PDE1C: variants seen among roughly 807,000 people sequenced by gnomAD.
PDE1C encodes phosphodiesterase 1C, also known as dual specificity calcium/calmodulin-dependent 3',5'-cyclic nucleotide phosphodiesterase 1C.
Under a neutral mutation model 93.1 loss-of-function variants are expected in PDE1C, and 62 were observed. That is an observed-to-expected ratio of 0.67 (90% CI 0.54 to 0.82). PDE1C has a LOEUF of 0.82. PDE1C is among the 40% of genes least tolerant of loss of function. PDE1C has a pLI of 0.00. For synonymous variants in PDE1C, 325 were observed against 310.1 expected, an observed-to-expected ratio of 1.05 and a Z score of -0.50; for missense variants, 742 against 884.6, an observed-to-expected ratio of 0.84 and a Z score of 2.04.
rs7779126 is a variant in PDE1C, at chr7:32,314,758, C to A, written c.311-105219G>T. 4.5e-3 allele frequency among the ~76,000 whole-genome samples: 683 copies of A among 152,040 alleles called. 2 individuals carry two copies. Among genetic ancestry groups the A allele is most frequent in the Non-Finnish European group, 6.6e-3 (446 of 67,988 alleles). ...CCGAGAGCACCAAGAACGCTGAAAC[C>A]AGAAAGAATAGACAGGCAGCCCAAA... On this transcript the variant is annotated intron_variant, in intron 1 of 1. Coordinates refer to the PDE1C transcript ENST00000672256.
At chr7:31,710,151 GA>G in the PDE1C span, among the ~76,000 whole-genome samples, 2 of 151,840 alleles carry the variant, frequency 1.3e-5, no homozygotes, top group Non-Finnish European at 2.9e-5. Context: ...TCTATCTCAG[GA>G]AAAAAAGAAA....
chr7:31,624,232 A>C, the PDE1C span, among the ~76,000 whole-genome samples: 315 of 146,496 alleles, frequency 2.2e-3, no homozygotes, highest in Non-Finnish European at 3.9e-3. Context: ...ATCCCCATCA[A>C]GCTACCAATG....
chr7:31,961,891 T>C (rs930786085), intron 2 of PDE1C, among the ~76,000 whole-genome samples: 5 of 152,174 alleles, frequency 3.3e-5, no homozygotes, highest in Non-Finnish European at 7.3e-5. Flanking sequence ...CAGAGGAAAG[T>C]TGTTATTAGC....
At chr7:31,620,920 A>G in the PDE1C span, among the ~76,000 whole-genome samples, 2 of 152,116 alleles carry the variant, frequency 1.3e-5, no homozygotes, top group Non-Finnish European at 1.5e-5. Context: ...AAAGGAGCTG[A>G]TGGAGCTGAA....
At chr7:32,025,889 C>T (rs1789358730) in intron 2 of PDE1C, among the ~76,000 whole-genome samples, 1 of 152,114 alleles carries the variant, frequency 6.6e-6, no homozygotes, top group Non-Finnish European at 1.5e-5. Flanking sequence ...CCTAGCTGTG[C>T]CTTTTCAGGC....
intron 3 of PDE1C, among the ~76,000 whole-genome samples, chr7:32,106,521 A>G (rs1798321172): frequency 6.6e-6 from 1 of 152,168 alleles, no homozygotes. Flanking sequence ...AAACTTTAAA[A>G]AAACTACTAC....
chr7:31,836,612 C>T (rs1218896275), intron 11 of PDE1C, among the ~76,000 whole-genome samples: 1 of 152,100 alleles, frequency 6.6e-6, no homozygotes, highest in Non-Finnish European at 1.5e-5. Context: ...CAATTACAGG[C>T]ATGAGCCACT....
At chr7:32,275,643 GA>G (rs558427428) in intron 1 of PDE1C, among the ~76,000 whole-genome samples, 1 of 142,530 alleles carries the variant, frequency 7.0e-6, no homozygotes, top group South Asian at 2.2e-4. Context: ...GAACATCAGG[GA>G]AAAAAAAATA....
chr7:32,198,479 G>A (rs965556843), intron 2 of PDE1C, among the ~76,000 whole-genome samples: 12 of 152,196 alleles, frequency 7.9e-5, no homozygotes, highest in African/African-American at 2.7e-4. Flanking sequence ...TCTGTTGAGT[G>A]AGATGTAAGC....
intron 2 of PDE1C, among the ~76,000 whole-genome samples, chr7:31,968,584 T>C (rs1484894189): frequency 3.3e-5 from 5 of 152,144 alleles, no homozygotes; most frequent in Non-Finnish European, 5.9e-5. Context: ...ACCAATGACT[T>C]TCTTCACAGA....
rs893700893 is a variant in PDE1C at position 31,752,594 on chromosome 7, G to C, written c.*790C>G. 6.6e-6 allele frequency: 1 copy of C among 152,118 alleles called. No individual in the cohort carries two copies. Among genetic ancestry groups the C allele is most frequent in the African/African-American group, 2.4e-5 (1 of 41,418 alleles). The allele number at this position is 152,118 out of a possible 1,614,324, so 9.4% of individuals were successfully genotyped here. Reference sequence around the variant, plus strand: ...TTTTGCAATGACTCTTAAACCTGCAGTCTTTAAGGCAAGATTTTTTGTATC... The same window carrying C: ...TTTTGCAATGACTCTTAAACCTGCACTCTTTAAGGCAAGATTTTTTGTATC... On this transcript the variant is annotated 3_prime_UTR_variant, in exon 18 of 18. Transcript: ENST00000396191.
intron 16 of PDE1C, among the ~76,000 whole-genome samples, chr7:31,808,477 C>A (rs6959241): frequency 2.0e-5 from 3 of 152,000 alleles, no homozygotes; most frequent in African/African-American, 7.2e-5. Flanking sequence ...GTTAATCTTG[C>A]GTTTTGCATT....
intron 1 of PDE1C, among the ~76,000 whole-genome samples, chr7:32,363,617 C>T (rs528820449): frequency 1.3e-5 from 2 of 152,316 alleles, no homozygotes; most frequent in South Asian, 4.1e-4. Flanking sequence ...TTCTTTTTAA[C>T]AAATGGATCA....
At chr7:31,763,670 C>T (rs1294455913) in intron 17 of PDE1C, among the ~76,000 whole-genome samples, 6 of 152,330 alleles carry the variant, frequency 3.9e-5, no homozygotes, top group African/African-American at 7.2e-5. Flanking sequence ...TGCCATTGCA[C>T]AGTACACAAT....
At chr7:32,251,252 G>C (rs540604577) in intron 1 of PDE1C, among the ~76,000 whole-genome samples, 2 of 148,638 alleles carry the variant, frequency 1.3e-5, no homozygotes, top group East Asian at 4.3e-4. Flanking sequence ...ACCTAGACCT[G>C]AATCCGGCAG....
In PDE1C at chr7:31,893,488, C is replaced by T. The variant is rs1038958960; in HGVS notation, c.129-12628G>A. On this transcript the variant is annotated intron_variant, in intron 2 of 17. Transcript: ENST00000396191. ...TTGGGAAGACTTACTTATGCAGTCC[C>T]ATCTCACTTGCCAGCACCACCTCCC... is the stretch of plus-strand genomic sequence containing the variant. The T allele has an allele frequency of 1.4e-5, 14 of 984,630 alleles. No homozygotes were observed. The Admixed American group carries it at 7.4e-4, about 52-fold the overall frequency. 61.0% of individuals were successfully genotyped at this position (984,630 alleles called of 1,614,324 possible).
chr7:32,196,261 G>A (rs1233174356), intron 2 of PDE1C, among the ~76,000 whole-genome samples: 5 of 152,106 alleles, frequency 3.3e-5, no homozygotes, highest in African/African-American at 1.2e-4. Flanking sequence ...GGTGAGGATG[G>A]GGCCACAGCT....
chr7:32,102,241 T>C (rs1798079072), intron 3 of PDE1C, among the ~76,000 whole-genome samples: 1 of 152,272 alleles, frequency 6.6e-6, no homozygotes, highest in South Asian at 2.1e-4. Context: ...TCAAACCACA[T>C]TGACTGAGGC....
intron 2 of PDE1C, among the ~76,000 whole-genome samples, chr7:31,975,304 C>G (rs544163506): frequency 2.0e-4 from 30 of 152,122 alleles, no homozygotes; most frequent in Non-Finnish European, 4.0e-4. Flanking sequence ...TTTTTGTGTT[C>G]CTCCAGAGTA....
Sources: gnomAD v4.1 joint callset for allele counts (sites outside exome capture counted in the v4.1 genomes callset) on GRCh38, gnomAD v4.1.1 for gene constraint, MANE v1.5 for transcripts, NCBI Gene and HGNC (gene_info 2026-07-23, HGNC 2026-07-21) for gene names.